The following RPS6KC1 variants were observed in gnomAD, a reference collection of about 807,000 sequenced individuals.
RPS6KC1 encodes the protein inactive ribosomal protein S6 kinase delta-1.
In RPS6KC1, 54 loss-of-function variants were observed where a neutral mutation model predicts 103.8. That is an observed-to-expected ratio of 0.52 (90% CI 0.42 to 0.65). The LOEUF (loss-of-function observed/expected upper bound fraction) is 0.65. RPS6KC1 is among the 30% of genes least tolerant of loss of function. The pLI, the probability that RPS6KC1 is intolerant of heterozygous loss-of-function variation, is 0.00. For missense variants in RPS6KC1, 1,151 were observed against 1,253.8 expected, an observed-to-expected ratio of 0.92 and a Z score of 1.24; for synonymous variants, 439 against 438.7, an observed-to-expected ratio of 1.00 and a Z score of -0.01.
chr1:213,807,852 CT>C, the RPS6KC1 span, among the ~76,000 whole-genome samples: 4 of 152,188 alleles, frequency 2.6e-5, no homozygotes, highest in South Asian at 2.1e-4. Context: ...AAGAGGTGCT[CT>C]GCTTTTTAGA....
chr1:213,736,874 G>A, the RPS6KC1 span, among the ~76,000 whole-genome samples: 5 of 152,152 alleles, frequency 3.3e-5, no homozygotes, highest in Non-Finnish European at 7.3e-5. Context: ...TTTGTTTTAG[G>A]CCAATATTAG....
At chr1:213,248,357 C>T (rs1356608397) in intron 12 of RPS6KC1, among the ~76,000 whole-genome samples, 3 of 152,078 alleles carry the variant, frequency 2.0e-5, no homozygotes, top group Admixed American at 2.0e-4. Context: ...CTATCTTGTA[C>T]ATAGTATTTT....
the RPS6KC1 span, among the ~76,000 whole-genome samples, chr1:213,804,082 A>C: frequency 6.6e-6 from 1 of 151,324 alleles, no homozygotes; most frequent in South Asian, 2.1e-4. Context: ...GCACGTTGTG[A>C]ACATGTACCC....
chr1:213,578,360 G>C, the RPS6KC1 span, among the ~76,000 whole-genome samples: 1 of 152,238 alleles, frequency 6.6e-6, no homozygotes, highest in Non-Finnish European at 1.5e-5. Flanking sequence ...GTTGAAGCCC[G>C]TACACAGAGT....
the RPS6KC1 span, among the ~76,000 whole-genome samples, chr1:213,451,716 G>A: frequency 6.6e-6 from 1 of 152,246 alleles, no homozygotes; most frequent in Non-Finnish European, 1.5e-5. Flanking sequence ...AGCTTGTGAT[G>A]TTGGAAGACA....
At chr1:213,563,768 A>G in the RPS6KC1 span, among the ~76,000 whole-genome samples, 1 of 152,116 alleles carries the variant, frequency 6.6e-6, no homozygotes, top group Non-Finnish European at 1.5e-5. Flanking sequence ...CAAGGAGCTT[A>G]AAACATTTTA....
At chr1:213,093,630 G>C (rs991970977) in intron 3 of RPS6KC1, among the ~76,000 whole-genome samples, 1 of 152,108 alleles carries the variant, frequency 6.6e-6, no homozygotes, top group Admixed American at 6.5e-5. Flanking sequence ...GGTATGGTGA[G>C]AAGTACTTAT....
At chr1:213,119,482 A>G (rs1433488928) in intron 5 of RPS6KC1, among the ~76,000 whole-genome samples, 1 of 31,048 alleles carries the variant, frequency 3.2e-5, no homozygotes, top group African/African-American at 9.4e-5. Flanking sequence ...ATATATATAT[A>G]TATATATATA....
chr1:213,216,519 A>G (rs1022590749), intron 8 of RPS6KC1, among the ~76,000 whole-genome samples: 1 of 152,216 alleles, frequency 6.6e-6, no homozygotes, highest in Non-Finnish European at 1.5e-5. Flanking sequence ...CACCAAGTGG[A>G]CCTAATAGAC....
intron 6 of RPS6KC1, among the ~76,000 whole-genome samples, chr1:213,164,205 G>C (rs1487193477): frequency 6.6e-6 from 1 of 152,140 alleles, no homozygotes; most frequent in Non-Finnish European, 1.5e-5. Flanking sequence ...TATAATGAAG[G>C]GTGCCAAGTG....
chr1:213,797,128 G>A, the RPS6KC1 span, among the ~76,000 whole-genome samples: 1 of 152,160 alleles, frequency 6.6e-6, no homozygotes, highest in Non-Finnish European at 1.5e-5. Context: ...AAAGACAAGA[G>A]GAAGAAACCA....
chr1:213,831,680 CAATT>C, the RPS6KC1 span, among the ~76,000 whole-genome samples: 6 of 152,076 alleles, frequency 3.9e-5, no homozygotes, highest in Non-Finnish European at 5.9e-5. Context: ...ATTAATGTAA[CAATT>C]TATTTTATAT....
the RPS6KC1 span, among the ~76,000 whole-genome samples, chr1:213,856,525 C>T: frequency 1.4e-5 from 2 of 145,396 alleles, no homozygotes; most frequent in Admixed American, 1.4e-4. Context: ...CCCTTTCTTC[C>T]TTCCTCCATT....
chr1:213,112,638 T>C (rs1287190078), intron 4 of RPS6KC1, among the ~76,000 whole-genome samples: 3 of 152,022 alleles, frequency 2.0e-5, no homozygotes, highest in Non-Finnish European at 2.9e-5. Context: ...TATGTATACA[T>C]GTGCCATGCT....
chr1:213,628,123 T>C, the RPS6KC1 span, among the ~76,000 whole-genome samples: 14 of 152,188 alleles, frequency 9.2e-5, no homozygotes, highest in Admixed American at 2.0e-4. Flanking sequence ...TATTCAGAGG[T>C]TCAAGTTCTT....
the RPS6KC1 span, among the ~76,000 whole-genome samples, chr1:213,728,948 G>GTT: frequency 3.8e-4 from 35 of 91,290 alleles, 2 homozygotes; most frequent in East Asian, 6.7e-4. Flanking sequence ...TTTTTTTTTT[G>GTT]TTTTTTTTTT....
chr1:213,280,445 AT>A, the RPS6KC1 span, among the ~76,000 whole-genome samples: 1 of 152,332 alleles, frequency 6.6e-6, no homozygotes, highest in East Asian at 1.9e-4. Context: ...GAAATTCAGT[AT>A]TTAGTCCCTG....
At chr1:213,126,883 T>A (rs746337462) in intron 5 of RPS6KC1, among the ~76,000 whole-genome samples, 13 of 152,164 alleles carry the variant, frequency 8.5e-5, no homozygotes, top group Non-Finnish European at 1.5e-4. Context: ...AAATATTTAC[T>A]TTCTGGCCCT....
chr1:213,062,079 A>G (rs775059159), intron 1 of RPS6KC1, among the ~76,000 whole-genome samples: 13 of 152,160 alleles, frequency 8.5e-5, no homozygotes, highest in Non-Finnish European at 1.6e-4. Context: ...AGGAAATACT[A>G]TAAGTTTGAA....
Sources: allele counts gnomAD v4.1 joint callset (sites outside exome capture counted in the v4.1 genomes callset), GRCh38; gene constraint gnomAD v4.1.1; transcripts MANE v1.5; gene names NCBI Gene and HGNC (gene_info 2026-07-23, HGNC 2026-07-21).